The following ZNF407 variants were observed in gnomAD, a reference collection of about 807,000 sequenced individuals.
ZNF407 encodes the protein zinc finger protein 407.
A neutral mutation model predicts 131.2 loss-of-function variants in ZNF407; 17 were observed. The ratio of observed to expected loss-of-function variants is 0.13; its 90% confidence interval spans 0.09 to 0.19. The LOEUF (loss-of-function observed/expected upper bound fraction) is 0.19. ZNF407 is among the 10% of genes least tolerant of loss of function. ZNF407 has a pLI of 1.00. For missense variants in ZNF407, 2,681 were observed against 2,830.6 expected, an observed-to-expected ratio of 0.95 and a Z score of 1.20; for synonymous variants, 1,156 against 1,062.0, an observed-to-expected ratio of 1.09 and a Z score of -1.72.
At chr18:74,991,378 A>G (rs1972717049) in intron 8 of ZNF407, among the ~76,000 whole-genome samples, 1 of 152,152 alleles carries the variant, frequency 6.6e-6, no homozygotes, top group Non-Finnish European at 1.5e-5. Flanking sequence ...GATTTCTAGA[A>G]CTATATATTT....
intron 8 of ZNF407, among the ~76,000 whole-genome samples, chr18:75,023,051 C>G (rs1973129583): frequency 6.6e-6 from 1 of 152,028 alleles, no homozygotes; most frequent in Non-Finnish European, 1.5e-5. Flanking sequence ...GAGCTGGAAG[C>G]CATTATCCTC....
chr18:74,879,635 A>G (rs766134387), intron 5 of ZNF407, among the ~76,000 whole-genome samples: 2 of 152,182 alleles, frequency 1.3e-5, no homozygotes, highest in Non-Finnish European at 2.9e-5. Context: ...TATTCTTTCT[A>G]TATTGAAATA....
At chr18:74,680,632 G>A (rs1599064906) in intron 3 of ZNF407, among the ~76,000 whole-genome samples, 1 of 152,028 alleles carries the variant, frequency 6.6e-6, no homozygotes, top group African/African-American at 2.4e-5. Context: ...GTTGAAGCTG[G>A]TTTATAGGAA....
At position 75,056,719 on chromosome 18, in the gene ZNF407, C is replaced by A. The variant is rs566045186; in HGVS notation, c.5429-6431C>A. Among the ~76,000 whole-genome samples, 136 of 152,276 alleles carry A rather than the reference C, an allele frequency of 8.9e-4. 1 individual carries two copies. Among genetic ancestry groups the A allele is most frequent in the African/African-American group, 3.2e-3 (132 of 41,566 alleles). On this transcript the variant is annotated intron_variant, in intron 8 of 8. Transcript: ENST00000299687. The stretch of plus-strand genomic sequence containing the variant: ...TCTATAAGATGAATAAATTCTGGAG[C>A]AATTATTGAGATCAGTTTGACTGGC...
intron 3 of ZNF407, among the ~76,000 whole-genome samples, chr18:74,687,923 T>C (rs1967132255): frequency 6.6e-6 from 1 of 152,188 alleles, no homozygotes; most frequent in South Asian, 2.1e-4. Flanking sequence ...ATTAATACTT[T>C]TGTAGTAATT....
intron 3 of ZNF407, among the ~76,000 whole-genome samples, chr18:74,672,052 T>A (rs1002091288): frequency 9.2e-5 from 14 of 152,140 alleles, no homozygotes; most frequent in African/African-American, 3.4e-4. Flanking sequence ...GGTAGAGTGG[T>A]TTATAGTCCT....
chr18:74,825,989 C>T (rs552876045), intron 4 of ZNF407, among the ~76,000 whole-genome samples: 1 of 152,260 alleles, frequency 6.6e-6, no homozygotes, highest in East Asian at 1.9e-4. Flanking sequence ...TGTTTGGCTA[C>T]AGAATTTTTA....
intron 4 of ZNF407, among the ~76,000 whole-genome samples, chr18:74,861,331 C>A (rs1350688546): frequency 6.6e-6 from 1 of 152,180 alleles, no homozygotes; most frequent in Non-Finnish European, 1.5e-5. Context: ...GTAAATCTGT[C>A]CATGCAAAAA....
chr18:74,916,669 T>G, intron 7 of ZNF407, among the ~76,000 whole-genome samples: 1 of 130,932 alleles, frequency 7.6e-6, no homozygotes, highest in Non-Finnish European at 1.6e-5. Context: ...TGTGCTGGTA[T>G]GGTGAGGTTG....
In ZNF407 at chr18:74,693,173, C is replaced by T. The variant is rs529489529; in HGVS notation, c.4802+52051C>T. ...AAGCTGACATGTACATGTATTTCTT[C>T]TCCCATTGGAAGACCTTGATTTTAT... On this transcript the variant is annotated intron_variant, in intron 3 of 8. Coordinates refer to ENST00000299687, the MANE Select transcript of ZNF407 (RefSeq NM_017757.3). Among the ~76,000 whole-genome samples, 209 of 152,340 alleles carry T rather than the reference C, an allele frequency of 1.4e-3. 1 individual carries two copies. Among genetic ancestry groups the T allele is most frequent in the African/African-American group, 4.6e-3 (193 of 41,574 alleles).
chr18:75,017,442 A>G (rs1230423667), intron 8 of ZNF407, among the ~76,000 whole-genome samples: 1 of 152,108 alleles, frequency 6.6e-6, no homozygotes, highest in Admixed American at 6.5e-5. Flanking sequence ...TTAGGGATCC[A>G]CTGATGTTTT....
chr18:74,768,742 G>A (rs957102293), intron 3 of ZNF407, among the ~76,000 whole-genome samples: 1 of 152,126 alleles, frequency 6.6e-6, no homozygotes, highest in African/African-American at 2.4e-5. Context: ...ATACCGTAAT[G>A]TGTATCTACT....
At chr18:74,887,993 A>C (rs964850316) in intron 6 of ZNF407, among the ~76,000 whole-genome samples, 3 of 152,210 alleles carry the variant, frequency 2.0e-5, no homozygotes, top group Non-Finnish European at 2.9e-5. Context: ...ATGTAGGGCG[A>C]ACTTCTAAAC....
chr18:74,657,593 T>C (rs757193967), intron 3 of ZNF407, among the ~76,000 whole-genome samples: 30 of 152,310 alleles, frequency 2.0e-4, no homozygotes, highest in Admixed American at 3.9e-4. Flanking sequence ...TTTGCGATGG[T>C]GTATGCTCAA....
intron 8 of ZNF407, among the ~76,000 whole-genome samples, chr18:74,963,877 A>G (rs1972378141): frequency 6.6e-6 from 1 of 152,230 alleles, no homozygotes; most frequent in Non-Finnish European, 1.5e-5. Context: ...CTATGCCTGT[A>G]AACATATTAG....
At chr18:74,991,370 T>C (rs1485419332) in intron 8 of ZNF407, among the ~76,000 whole-genome samples, 1 of 152,222 alleles carries the variant, frequency 6.6e-6, no homozygotes, top group Non-Finnish European at 1.5e-5. Flanking sequence ...ATATCTTTGA[T>C]TTCTAGAACT....
chr18:74,842,735 A>AT (rs2145133685), intron 4 of ZNF407, among the ~76,000 whole-genome samples: 1 of 151,740 alleles, frequency 6.6e-6, no homozygotes, highest in Admixed American at 6.6e-5. Flanking sequence ...TTTATTTATT[A>AT]TTTTTTGAGA....
chr18:74,901,530 A>G (rs1433501735), intron 7 of ZNF407, among the ~76,000 whole-genome samples: 1 of 152,220 alleles, frequency 6.6e-6, no homozygotes, highest in Non-Finnish European at 1.5e-5. Flanking sequence ...CTAGGCTAGC[A>G]TAGTATTTCT....
chr18:74,865,056 A>G (rs1306180997), intron 4 of ZNF407, among the ~76,000 whole-genome samples: 1 of 152,184 alleles, frequency 6.6e-6, no homozygotes, highest in African/African-American at 2.4e-5. Context: ...TACTTGAACC[A>G]TCTCTTGAAG....
Sources: allele counts gnomAD v4.1 joint callset (sites outside exome capture counted in the v4.1 genomes callset), GRCh38; gene constraint gnomAD v4.1.1; transcripts MANE v1.5; gene names NCBI Gene and HGNC (gene_info 2026-07-23, HGNC 2026-07-21).